YJU2B: variants seen among roughly 807,000 people sequenced by gnomAD.
The protein encoded by YJU2B is probable splicing factor YJU2B.
In YJU2B, 18 loss-of-function variants were observed where a neutral mutation model predicts 38.0. The observed-to-expected ratio is 0.47, with a 90% CI of 0.33 to 0.70. The LOEUF (loss-of-function observed/expected upper bound fraction) is 0.70, where lower values mean the gene tolerates loss of function less well. YJU2B is among the 30% of genes least tolerant of loss of function. The pLI, the probability that YJU2B is intolerant of heterozygous loss-of-function variation, is 0.02. For synonymous variants in YJU2B, 246 were observed against 225.4 expected (o/e 1.09, Z -0.82); for missense variants, 538 against 556.3 (o/e 0.97, Z 0.33).
intron 8 of YJU2B, among the ~76,000 whole-genome samples, chr19:13,760,277 G>C (rs1973838282): frequency 6.6e-6 from 1 of 152,026 alleles, no homozygotes; most frequent in Admixed American, 6.6e-5. Flanking sequence ...CGAAGTCCAG[G>C]ATCAAGGCGC....
At chr19:13,741,757 C>G (rs1383677544) in intron 2 of YJU2B, among the ~76,000 whole-genome samples, 1 of 151,682 alleles carries the variant, frequency 6.6e-6, no homozygotes, top group Non-Finnish European at 1.5e-5. Flanking sequence ...CAAAACAAAA[C>G]AAAAGAAGCT....
At position 13,742,264 on chromosome 19, in the gene YJU2B, C is replaced by G. The variant is rs1306808839; in HGVS notation, c.-201-9344C>G. ...TCCCCTAGGAAGACAGTATTTAACT[C>G]ACAACCATCTGGTCCTTCTTTGAGT... On this transcript the variant is annotated intron_variant, in intron 2 of 10. Coordinates refer to the YJU2B transcript ENST00000586600. Among the ~76,000 whole-genome samples the G allele has an allele frequency of 4.7e-5, 7 of 150,098 alleles. 2 individuals carry two copies. Among genetic ancestry groups the G allele is most frequent in the Admixed American group, 4.0e-4 (6 of 14,988 alleles).
rs1281886252 is a variant in YJU2B at position 13,762,730 on chromosome 19, A to C, written c.853A>C (p.Thr285Pro). 6.2e-7 allele frequency: 1 copy of C among 1,607,920 alleles called. No individual in the cohort carries two copies. The change falls in exon 10 of 10, where the codon ACC becomes CCC. Residue 285 changes from threonine (T) to proline (P), a missense_variant. Around this residue, in one of 2 missense-constraint regions of YJU2B, gnomAD observed 488 missense variants for 469.5 expected, o/e 1.04. Coordinates refer to ENST00000221554, the MANE Select transcript of YJU2B (RefSeq NM_030818.4). Reference protein sequence around the residue: ...LAQSRRTALATSPITVGDLGI... With the variant: ...LAQSRRTALAPSPITVGDLGI... The stretch of plus-strand genomic sequence containing the variant: ...ACAGAGCCGCAGAACCGCGCTTGCC[A>C]CCTCCCCCATCACCGTCGGGGACCT...
chr19:13,753,547 C>G (rs1973549570), intron 2 of YJU2B, among the ~76,000 whole-genome samples: 2 of 132,220 alleles, frequency 1.5e-5, no homozygotes, highest in African/African-American at 5.8e-5. Context: ...GCACTCCAGC[C>G]TGGGCAACAA....
chr19:13,752,744 C>CA (rs36068622), intron 2 of YJU2B, among the ~76,000 whole-genome samples: 33 of 144,938 alleles, frequency 2.3e-4, no homozygotes, highest in East Asian at 6.0e-4. Context: ...AACTCCATCT[C>CA]AAAAAAAAAA....
intron 2 of YJU2B, among the ~76,000 whole-genome samples, chr19:13,733,433 A>ACGCC (rs1467063813): frequency 6.6e-6 from 1 of 151,320 alleles, no homozygotes; most frequent in African/African-American, 2.4e-5. Context: ...TGCTCATTAG[A>ACGCC]CGCCATAGCC....
rs781326697 is a variant in YJU2B, at chr19:13,762,657, C to T, written c.780C>T (p.Pro260=). ...IISRSWFPSA[P]GSASSSKVSG... The stretch of plus-strand genomic sequence containing the variant: ...GCCGCTCCTGGTTCCCCTCTGCCCC[C>T]GGATCCGCCTCCAGCAGCAAGGTCA... Residue 260 remains proline, a synonymous_variant, in exon 10 of 10, where the codon CCC becomes CCT. Transcript: ENST00000221554. 8.3e-6 allele frequency: 13 copies of T among 1,566,506 alleles called. No homozygotes were observed. The Admixed American group carries it at 1.6e-4, about 20-fold the overall frequency.
At chr19:13,736,313 C>T (rs1972946841) in intron 2 of YJU2B, among the ~76,000 whole-genome samples, 1 of 131,136 alleles carries the variant, frequency 7.6e-6, no homozygotes, top group Admixed American at 8.8e-5. Context: ...GGCTGGAGTG[C>T]AGTGGCACAA....
intron 1 of YJU2B, 114 bp from the exon 2 acceptor site, chr19:13,751,494 C>T: frequency 7.9e-6 from 3 of 379,586 alleles, no homozygotes; most frequent in Non-Finnish European, 9.6e-6. Flanking sequence ...ACCGTGCTGG[C>T]CCACGTGAGT....
At chr19:13,741,688 C>T (rs1243924555) in intron 2 of YJU2B, among the ~76,000 whole-genome samples, 2 of 151,986 alleles carry the variant, frequency 1.3e-5, no homozygotes, top group South Asian at 4.1e-4. Flanking sequence ...AGTGATTGCA[C>T]CACTGCACTT....
At chr19:13,738,036 G>A (rs538943727) in intron 2 of YJU2B, among the ~76,000 whole-genome samples, 32 of 152,234 alleles carry the variant, frequency 2.1e-4, no homozygotes, top group African/African-American at 7.0e-4. Context: ...TATCCCAGTA[G>A]CCATTGGGTT....
rs180722400 is a variant in YJU2B, at chr19:13,736,969, G to A, written c.-202+4684G>A. Among the ~76,000 whole-genome samples, 8 of 150,598 alleles carry A rather than the reference G, an allele frequency of 5.3e-5. No homozygotes were observed. The East Asian group carries it at 1.6e-3, about 30-fold the overall frequency. ...TTGAACCCAGGAGGCGGAGGTTGCGGTGAGCTGAGATCGTGCCACTGTGCT... is the reference window on the plus strand; with the variant it reads ...TTGAACCCAGGAGGCGGAGGTTGCGATGAGCTGAGATCGTGCCACTGTGCT... On this transcript the variant is annotated intron_variant, in intron 2 of 10. Transcript: ENST00000586600.
rs1250399012 is a variant in YJU2B, at chr19:13,752,817, G to A, written c.3+1006G>A. Among the ~76,000 whole-genome samples, 5 of 152,166 alleles carry A rather than the reference G, an allele frequency of 3.3e-5. No individual in the cohort carries two copies. The South Asian group carries it at 1.0e-3, about 32-fold the overall frequency. ...AGTCCCTGCTACTCAGGAGGCTAAG[G>A]CACGAGGATTGCTTGAACTCAGGAG... On this transcript the variant is annotated intron_variant, in intron 2 of 9. Coordinates refer to ENST00000221554, the MANE Select transcript of YJU2B (RefSeq NM_030818.4).
At chr19:13,753,316 G>A (rs1421501407) in intron 2 of YJU2B, among the ~76,000 whole-genome samples, 1 of 152,178 alleles carries the variant, frequency 6.6e-6, no homozygotes, top group Non-Finnish European at 1.5e-5. Context: ...GCTCACGCCT[G>A]TAATCCCAGC....
At chr19:13,755,322 G>A (rs400900) in intron 3 of YJU2B, among the ~76,000 whole-genome samples, 51,825 of 151,736 alleles carry the variant, frequency 0.34, 9,061 homozygotes, top group East Asian at 0.49. Context: ...TTAGCTGGGC[G>A]TAGTGGCCCA....
intron 2 of YJU2B, among the ~76,000 whole-genome samples, chr19:13,735,370 ATTATCACTTAACTT>A (rs1241938750): frequency 6.6e-6 from 1 of 152,172 alleles, no homozygotes. Flanking sequence ...GCTCTGTGAC[ATTATCACTTAACTT>A]TTCCCTGGAC....
In YJU2B at chr19:13,751,688, C is replaced by T. The variant is rs1973471523; in HGVS notation, c.-121C>T. 20 of 1,060,282 alleles carry T rather than the reference C, an allele frequency of 1.9e-5. No individual in the cohort carries two copies. The highest frequency in any genetic ancestry group is 9.2e-5 in the Admixed American group (5 of 54,130). The allele number at this position is 1,060,282 out of a possible 1,614,324, so 65.7% of individuals were successfully genotyped here. Reference sequence around the variant, plus strand: ...ACCACCACACGGCCCACGACATCTTCGCAGGGAAGCCTGTGGACCCTCTGC... The same window carrying T: ...ACCACCACACGGCCCACGACATCTTTGCAGGGAAGCCTGTGGACCCTCTGC... On this transcript the variant is annotated 5_prime_UTR_variant, in exon 2 of 10. Transcript: ENST00000221554.
intron 2 of YJU2B, among the ~76,000 whole-genome samples, chr19:13,734,442 C>T (rs1972893810): frequency 6.6e-6 from 1 of 152,126 alleles, no homozygotes; most frequent in Admixed American, 6.6e-5. Context: ...AGGGACACAC[C>T]ACCACGTCTG....
chr19:13,756,768 A>G (rs1455042486), intron 4 of YJU2B, among the ~76,000 whole-genome samples: 1 of 152,162 alleles, frequency 6.6e-6, no homozygotes, highest in East Asian at 1.9e-4. Context: ...TGAGACCAAG[A>G]GTTCGAGAGC....
Sources: gnomAD v4.1 joint callset for allele counts (sites outside exome capture counted in the v4.1 genomes callset) on GRCh38, gnomAD v4.1.1 for gene constraint, gnomAD v4.1.1 regional missense constraint, MANE v1.5 for transcripts, NCBI Gene and HGNC (gene_info 2026-07-23, HGNC 2026-07-21) for gene names.